The following ZNF618 variants were observed in gnomAD, a reference collection of about 807,000 sequenced individuals.
ZNF618 encodes the protein zinc finger protein 618.
In ZNF618, 34 loss-of-function variants were observed where a neutral mutation model predicts 103.0. That is an observed-to-expected ratio of 0.33 (90% CI 0.25 to 0.44). ZNF618 has a LOEUF of 0.44. Among genes scored for constraint, ZNF618 ranks in the 20% least tolerant of loss-of-function variants. The pLI, the probability that ZNF618 is intolerant of heterozygous loss-of-function variation, is 1.00. For missense variants in ZNF618, 1,059 were observed against 1,295.4 expected, an observed-to-expected ratio of 0.82 and a Z score of 2.80; for synonymous variants, 551 against 542.2, an observed-to-expected ratio of 1.02 and a Z score of -0.23.
chr9:113,920,336 G>T (rs1046380009), intron 1 of ZNF618, among the ~76,000 whole-genome samples: 1 of 152,046 alleles, frequency 6.6e-6, no homozygotes, highest in Non-Finnish European at 1.5e-5. Context: ...GTAGTGTGCT[G>T]TAGTGCTTGG....
intron 13 of ZNF618, among the ~76,000 whole-genome samples, chr9:114,038,958 G>A (rs755653440): frequency 1.4e-4 from 21 of 152,232 alleles, no homozygotes; most frequent in Non-Finnish European, 8.8e-5. Context: ...TTTAATTCTC[G>A]GAACAACCCT....
At chr9:114,043,214 A>T (rs1302269512) in intron 13 of ZNF618, among the ~76,000 whole-genome samples, 1 of 152,362 alleles carries the variant, frequency 6.6e-6, no homozygotes, top group East Asian at 1.9e-4. Flanking sequence ...ATATGTGTAG[A>T]CACATGTTTT....
At chr9:114,036,094 G>A (rs1564331341) in intron 12 of ZNF618, among the ~76,000 whole-genome samples, 1 of 152,210 alleles carries the variant, frequency 6.6e-6, no homozygotes. Flanking sequence ...GTCTCTCTCT[G>A]CATGGCTTCC....
At chr9:114,003,797 A>C (rs1327792115) in intron 6 of ZNF618, among the ~76,000 whole-genome samples, 1 of 152,094 alleles carries the variant, frequency 6.6e-6, no homozygotes, top group Non-Finnish European at 1.5e-5. Flanking sequence ...GGATTTGTAC[A>C]CTGTTCTACA....
chr9:113,934,584 G>C (rs900354381), intron 1 of ZNF618, among the ~76,000 whole-genome samples: 1 of 152,190 alleles, frequency 6.6e-6, no homozygotes, highest in African/African-American at 2.4e-5. Flanking sequence ...TTTCTAGAGA[G>C]AGATTTGCAA....
In ZNF618 at chr9:114,035,113, T is replaced by A. The variant is rs773588336; in HGVS notation, c.1169-1187T>A. 1.8e-5 allele frequency: 17 copies of A among 955,926 alleles called. No individual in the cohort carries two copies. In the Middle Eastern group the frequency reaches 1.6e-3, roughly 91 times the overall value. The allele number at this position is 955,926 out of a possible 1,614,324, so 59.2% of individuals were successfully genotyped here. A position where few individuals can be genotyped will look rare whatever the true frequency, so the allele number is the denominator to read the frequency against. On this transcript the variant is annotated intron_variant, in intron 12 of 14. Transcript: ENST00000374126. The stretch of plus-strand genomic sequence containing the variant: ...TGAAAGCCCCATCTGGCTCACTGGT[T>A]ATTAAGAATAAAAATTATGACTATC...
intron 14 of ZNF618, 123 bp downstream of exon 14, chr9:114,048,117 A>C: frequency 1.1e-6 from 1 of 888,232 alleles, no homozygotes; most frequent in Non-Finnish European, 1.7e-6. Flanking sequence ...GATAGTTTCC[A>C]AAGCACTTTT....
In ZNF618 at chr9:113,968,751, A is replaced by G. The variant is rs147093195; in HGVS notation, c.34-366A>G. ...TTTTCCCTCTGGTTGGTAGGAATAA[A>G]TCTACAGCTACTGTTTTATTGGAAA... On this transcript the variant is annotated intron_variant, in intron 1 of 14. Coordinates refer to ENST00000374126, the MANE Select transcript of ZNF618 (RefSeq NM_001318042.2). 2.5e-4 allele frequency among the ~76,000 whole-genome samples: 38 copies of G among 152,312 alleles called. No individual in the cohort carries two copies. The East Asian group carries it at 3.3e-3, about 13-fold the overall frequency.
intron 1 of ZNF618, among the ~76,000 whole-genome samples, chr9:113,951,996 G>A (rs545417551): frequency 1.3e-5 from 2 of 152,262 alleles, no homozygotes; most frequent in East Asian, 3.9e-4. Flanking sequence ...CACTCCATAT[G>A]GGCCATTTGG....
chr9:113,876,842 T>C (rs1827996578), intron 1 of ZNF618, among the ~76,000 whole-genome samples: 6 of 148,416 alleles, frequency 4.0e-5, no homozygotes, highest in Middle Eastern at 3.5e-3. Context: ...GGGAGGTCTT[T>C]CCCCCCAGGT....
At position 114,032,813 on chromosome 9, in the gene ZNF618, G is replaced by A. The variant is rs1844218541; in HGVS notation, c.1168+85G>A. Reference sequence around the variant, plus strand: ...CTGGCAGCCGCGGCAGCATCCTGTGGGCTGGGGTCTTTGTGGTGCATTATG... The same window carrying A: ...CTGGCAGCCGCGGCAGCATCCTGTGAGCTGGGGTCTTTGTGGTGCATTATG... On this transcript the variant is annotated intron_variant, in intron 12 of 14. Coordinates refer to ENST00000374126, the MANE Select transcript of ZNF618 (RefSeq NM_001318042.2). The A allele has an allele frequency of 2.4e-6, 3 of 1,239,178 alleles. No homozygotes were observed. In the Admixed American group the frequency reaches 5.1e-5, roughly 21 times the overall value. 76.8% of individuals were successfully genotyped at this position (1,239,178 alleles called of 1,614,324 possible).
chr9:114,046,898 AT>A (rs1220527417), intron 13 of ZNF618, among the ~76,000 whole-genome samples: 2 of 152,192 alleles, frequency 1.3e-5, no homozygotes, highest in Non-Finnish European at 2.9e-5. Flanking sequence ...TGGTCATGGT[AT>A]GGAATCCTTT....
intron 1 of ZNF618, among the ~76,000 whole-genome samples, chr9:113,954,611 C>A (rs954403507): frequency 1.3e-5 from 2 of 152,200 alleles, no homozygotes; most frequent in Admixed American, 1.3e-4. Context: ...CTTTGGTTAG[C>A]TCTGCAGGGC....
rs114433500 is a variant in ZNF618, at chr9:114,038,537, C to T, written c.1246+2160C>T. Among the ~76,000 whole-genome samples, 335 of 152,294 alleles carry T rather than the reference C, an allele frequency of 2.2e-3. 1 individual carries two copies. The highest frequency in any genetic ancestry group is 7.8e-3 in the African/African-American group (326 of 41,568). On this transcript the variant is annotated intron_variant, in intron 13 of 14. Coordinates refer to ENST00000374126, the MANE Select transcript of ZNF618 (RefSeq NM_001318042.2). ...TGAGCTGCGCAGTTCACAGCGCCGA[C>T]GATAAGGAGGATCAGCCTTGAATAA... is the stretch of plus-strand genomic sequence containing the variant.
chr9:113,948,969 C>A (rs1222554385), intron 1 of ZNF618, among the ~76,000 whole-genome samples: 1 of 152,216 alleles, frequency 6.6e-6, no homozygotes, highest in Non-Finnish European at 1.5e-5. Context: ...CCGCTTCTTC[C>A]CAAAAGGGGG....
chr9:113,925,864 T>C (rs1833040583), intron 1 of ZNF618, among the ~76,000 whole-genome samples: 2 of 152,164 alleles, frequency 1.3e-5, no homozygotes, highest in Non-Finnish European at 2.9e-5. Context: ...AATCATCCAG[T>C]ATCCTGTTGG....
chr9:113,883,981 G>GCCC (rs1564125234), intron 1 of ZNF618, among the ~76,000 whole-genome samples: 1 of 25,664 alleles, frequency 3.9e-5, no homozygotes, highest in Non-Finnish European at 9.0e-5. Context: ...CTCTGGGCTT[G>GCCC]GCCCCCCCCC....
chr9:113,934,669 T>C (rs772380164), intron 1 of ZNF618, among the ~76,000 whole-genome samples: 5 of 152,086 alleles, frequency 3.3e-5, no homozygotes, highest in East Asian at 3.9e-4. Flanking sequence ...ATGTACCCGG[T>C]TGGTTATGAG....
chr9:113,982,824 T>A (rs949804096), intron 2 of ZNF618, among the ~76,000 whole-genome samples: 2 of 152,214 alleles, frequency 1.3e-5, no homozygotes, highest in Non-Finnish European at 2.9e-5. Context: ...TGAGAATCAT[T>A]GCCTTAGAGA....
Sources: gnomAD v4.1 joint callset for allele counts (sites outside exome capture counted in the v4.1 genomes callset) on GRCh38, gnomAD v4.1.1 for gene constraint, MANE v1.5 for transcripts, NCBI Gene and HGNC (gene_info 2026-07-23, HGNC 2026-07-21) for gene names.